The following ZNF692 variants were observed in gnomAD, a reference collection of about 807,000 sequenced individuals.
ZNF692 encodes AICAR responsive element binding protein.
ZNF692 carries 41 observed loss-of-function variants against 49.0 expected under a neutral mutation model. The ratio of observed to expected loss-of-function variants is 0.84; its 90% CI spans 0.65 to 1.08. The LOEUF (loss-of-function observed/expected upper bound fraction) is 1.08, where lower values mean the gene tolerates loss of function less well. Ranked by LOEUF, ZNF692 falls within the 50% of genes least tolerant of loss-of-function variation. The pLI is 0.00. For missense variants in ZNF692, 662 were observed against 662.2 expected (o/e 1.00, Z 0.00); for synonymous variants, 288 against 251.5 (o/e 1.15, Z -1.37).
At chr1:248,853,232 GC>G (rs1374289017) in intron 10 of ZNF692, among the ~76,000 whole-genome samples, 1 of 152,094 alleles carries the variant, frequency 6.6e-6, no homozygotes, top group East Asian at 1.9e-4. Flanking sequence ...GCACCACCTT[GC>G]CCTCTTGCAC....
Position 248,858,564 on chromosome 1 carries a change from G to C in ZNF692, c.-12-243C>G. On this transcript the variant is annotated intron_variant, in intron 1 of 11. Coordinates refer to ENST00000306601, the MANE Select transcript of ZNF692 (RefSeq NM_017865.4). This position sits in a 1 kb window ranked among gnomAD's most constrained non-coding sequence, Gnocchi z 4.3. ...GGCAGACAGAAGCAGTCAGAACAAA[G>C]GCCTGCGCCCTCCAGTCCACTGAAG... 1 of 1,551,642 alleles carries C rather than the reference G, an allele frequency of 6.4e-7. No individual in the cohort carries two copies. Among genetic ancestry groups the C allele is most frequent in the Non-Finnish European group, 8.7e-7 (1 of 1,146,938 alleles).
intron 10 of ZNF692, 77 bp downstream of exon 10, chr1:248,853,860 C>T (rs769661642): frequency 2.4e-4 from 282 of 1,184,874 alleles, no homozygotes; most frequent in Non-Finnish European, 3.1e-4. Context: ...GTGAAGAAAC[C>T]CACAGAGCCC....
At chr1:248,855,129 G>C (rs1214391967) in intron 9 of ZNF692, among the ~76,000 whole-genome samples, 1 of 152,178 alleles carries the variant, frequency 6.6e-6, no homozygotes, top group African/African-American at 2.4e-5. Flanking sequence ...ACCAGGCTCA[G>C]AACCCTAGCA....
Position 248,855,444 on chromosome 1 carries a change from C to G in ZNF692, c.974G>C (p.Arg325Thr). The G allele has an allele frequency of 6.2e-7, 1 of 1,614,182 alleles. No individual in the cohort carries two copies. Among genetic ancestry groups the G allele is most frequent in the Non-Finnish European group, 8.5e-7 (1 of 1,180,048 alleles). Residue 325 changes from arginine (R) to threonine (T), a missense_variant, in exon 9 of 12, where the codon AGA becomes ACA. Physicochemically the swap from Arg to Thr is moderately conservative, Grantham distance 71 (BLOSUM62 -1). Coordinates refer to ENST00000306601, the MANE Select transcript of ZNF692 (RefSeq NM_017865.4). Reference protein sequence around the residue: ...GPKRIRKAAKRELMPCDFPGC... With the variant: ...GPKRIRKAAKTELMPCDFPGC... ...AGGGAAGTCACAAGGCATCAGCTCT[C>G]TTTTGGCAGCTTTCCTGAGGAGAAG...
chr1:248,852,859 C>CT, intron 10 of ZNF692, among the ~76,000 whole-genome samples: 1 of 152,330 alleles, frequency 6.6e-6, no homozygotes, highest in South Asian at 2.1e-4. Flanking sequence ...CTCACTTCCT[C>CT]TATGTAGGGA....
At chr1:248,857,800 C>T (rs1572236539) in intron 3 of ZNF692, 28 bp downstream of exon 3, 4 of 1,612,408 alleles carry the variant, frequency 2.5e-6, no homozygotes, top group African/African-American at 2.7e-5. Flanking sequence ...TTCCCTCTGG[C>T]TCTCACCCCC....
chr1:248,851,138 A>G (rs1416239112), intron 10 of ZNF692, among the ~76,000 whole-genome samples: 2 of 152,042 alleles, frequency 1.3e-5, no homozygotes. Context: ...GTCCTTATGT[A>G]TGAATTGAAG....
chr1:248,853,692 G>A (rs1379355243), intron 10 of ZNF692, among the ~76,000 whole-genome samples: 4 of 152,186 alleles, frequency 2.6e-5, no homozygotes, highest in South Asian at 2.1e-4. Context: ...GAGGGTTAGC[G>A]CTGCCTGCTC....
chr1:248,854,060 G>A lies in ZNF692; in HGVS notation c.1039-9C>T. ...TGGTACTTTTTGTGGTGCTAGAGAA[G>A]GAAGTGGGTGGTAGGGAGAGAAGAG... is the stretch of plus-strand genomic sequence containing the variant. On this transcript the variant is annotated splice_polypyrimidine_tract_variant and intron_variant, in intron 9 of 11. Coordinates refer to ENST00000306601, the MANE Select transcript of ZNF692 (RefSeq NM_017865.4). The A allele has an allele frequency of 6.2e-7, 1 of 1,608,500 alleles. No homozygotes were observed. The highest frequency in any genetic ancestry group is 1.3e-5 in the African/African-American group (1 of 74,910).
chr1:248,851,466 T>TA (rs779274747), intron 10 of ZNF692, among the ~76,000 whole-genome samples: 1 of 151,880 alleles, frequency 6.6e-6, no homozygotes, highest in Non-Finnish European at 1.5e-5. Flanking sequence ...GGGTGTACAG[T>TA]AAAAAAGGTG....
At position 248,858,599 on chromosome 1, in the gene ZNF692, G is replaced by C. The variant is rs1322329416; in HGVS notation, c.-12-278C>G. 6.5e-6 allele frequency: 10 copies of C among 1,533,368 alleles called. No homozygotes were observed. The East Asian group carries it at 1.7e-4, about 26-fold the overall frequency. 95.0% of individuals were successfully genotyped at this position (1,533,368 alleles called of 1,614,324 possible). A position where few individuals can be genotyped will look rare whatever the true frequency, so the allele number is the denominator to read the frequency against. On this transcript the variant is annotated intron_variant, in intron 1 of 11. Coordinates refer to ENST00000306601, the MANE Select transcript of ZNF692 (RefSeq NM_017865.4). This position sits in a 1 kb window ranked among gnomAD's most constrained non-coding sequence, Gnocchi z 4.3. ...CTCCAGTCCACTGAAGTGGAGCTGT[G>C]GGGAAGGGGCGAGAGACTTTCACGG...
At chr1:248,857,568 A>G in intron 3 of ZNF692, 71 bp from the exon 4 acceptor site, 1 of 1,544,602 alleles carries the variant, frequency 6.5e-7, no homozygotes, top group Non-Finnish European at 8.7e-7. Context: ...AGCCATACCC[A>G]GGGAGCCCTG....
intron 9 of ZNF692, 32 bp downstream of exon 9, chr1:248,855,348 C>A: frequency 6.2e-7 from 1 of 1,610,078 alleles, no homozygotes; most frequent in Non-Finnish European, 8.5e-7. Context: ...CCCACCCCAG[C>A]AGCCACACAG....
chr1:248,857,863 C>T lies in ZNF692; in HGVS notation c.180-4G>A. On this transcript the variant is annotated splice_region_variant and splice_polypyrimidine_tract_variant and intron_variant, in intron 2 of 11. Coordinates refer to ENST00000306601, the MANE Select transcript of ZNF692 (RefSeq NM_017865.4). The stretch of plus-strand genomic sequence containing the variant: ...GACACAGCCTGAAGAAGTGTACCTG[C>T]CAGCAGGAGAAGAGGCAGGTCAGGA... 3 of 1,613,912 alleles carry T rather than the reference C, an allele frequency of 1.9e-6. No homozygotes were observed. The highest frequency in any genetic ancestry group is 2.5e-6 in the Non-Finnish European group (3 of 1,179,870).
At position 248,855,374 on chromosome 1, in the gene ZNF692, C is replaced by G. The variant is rs1488805851; in HGVS notation, c.1038+6G>C. ...AGCCACACAGGCCCCAACCTGTGCC[C>G]CTCACATTCAAATACTGCCGGTTGG... On this transcript the variant is annotated splice_donor_region_variant and intron_variant, in intron 9 of 11. Coordinates refer to ENST00000306601, the MANE Select transcript of ZNF692 (RefSeq NM_017865.4). The G allele has an allele frequency of 6.2e-7, 1 of 1,613,994 alleles. No individual in the cohort carries two copies. The highest frequency in any genetic ancestry group is 1.3e-5 in the African/African-American group (1 of 74,894).
chr1:248,858,566 C>T lies in ZNF692; in HGVS notation c.-12-245G>A, dbSNP rs2103071378. ...CAGACAGAAGCAGTCAGAACAAAGG[C>T]CTGCGCCCTCCAGTCCACTGAAGTG... On this transcript the variant is annotated intron_variant, in intron 1 of 11. Transcript: ENST00000306601. The surrounding 1 kb of genome is among the most constrained non-coding windows in gnomAD (Gnocchi z 4.3). The T allele has an allele frequency of 6.4e-7, 1 of 1,551,534 alleles. No homozygotes were observed. The highest frequency in any genetic ancestry group is 2.0e-5 in the Admixed American group (1 of 51,002).
At chr1:248,853,771 G>C (rs1414703296) in intron 10 of ZNF692, among the ~76,000 whole-genome samples, 166 bp downstream of exon 10, 2 of 152,210 alleles carry the variant, frequency 1.3e-5, no homozygotes, top group Non-Finnish European at 2.9e-5. Context: ...AGGGCATACA[G>C]GATGAGGGAG....
chr1:248,850,193 CA>C lies in ZNF692; in HGVS notation c.*16del, dbSNP rs1442333690. On this transcript the variant is annotated 3_prime_UTR_variant, in exon 12 of 12. Transcript: ENST00000306601. The stretch of plus-strand genomic sequence containing the variant: ...TCCCTGGAGTCTGGCTTCCCAAAGC[CA>C]AAGCTGGAGGAGAGCTCATTGCTGA... 57 of 1,510,340 alleles carry C rather than the reference CA, an allele frequency of 3.8e-5. No individual in the cohort carries two copies. The highest frequency in any genetic ancestry group is 5.0e-5 in the Non-Finnish European group (57 of 1,129,528). The allele number at this position is 1,510,340 out of a possible 1,614,324, so 93.6% of individuals were successfully genotyped here.
At chr1:248,857,130 T>C (rs896933429) in intron 4 of ZNF692, 104 bp downstream of exon 4, 1 of 1,232,260 alleles carries the variant, frequency 8.1e-7, no homozygotes, top group African/African-American at 1.5e-5. Context: ...ATAGAGTTTT[T>C]CCATTGAAAA....
Sources: allele counts gnomAD v4.1 joint callset (sites outside exome capture counted in the v4.1 genomes callset), GRCh38; gene constraint gnomAD v4.1.1; non-coding constraint Gnocchi (gnomAD v3.1); transcripts MANE v1.5; gene names NCBI Gene and HGNC (gene_info 2026-07-23, HGNC 2026-07-21).